LRRC3B: variants seen among roughly 807,000 people sequenced by gnomAD.
The protein encoded by LRRC3B is leucine-rich repeat-containing protein 3B.
In LRRC3B, 2 loss-of-function variants were observed where a neutral mutation model predicts 12.8. That is an observed-to-expected ratio of 0.16 (90% CI 0.06 to 0.49). The LOEUF (loss-of-function observed/expected upper bound fraction) is 0.49, where lower values mean the gene tolerates loss of function less well. LRRC3B is among the 20% of genes least tolerant of loss of function. The pLI, the probability that LRRC3B is intolerant of heterozygous loss-of-function variation, is 0.96. For missense variants in LRRC3B, 189 were observed against 319.4 expected (o/e 0.59, Z 3.11); for synonymous variants, 132 against 122.0 (o/e 1.08, Z -0.54).
chr3:26,663,728 T>C (rs762681758), intron 1 of LRRC3B, among the ~76,000 whole-genome samples: 47 of 152,278 alleles, frequency 3.1e-4, no homozygotes, highest in Middle Eastern at 3.4e-3. Context: ...AAGTTAATTG[T>C]ATCACTCAAG....
chr3:26,701,000 T>G (rs73150442), intron 1 of LRRC3B, among the ~76,000 whole-genome samples: 3,213 of 152,288 alleles, frequency 0.021, 103 homozygotes, highest in African/African-American at 0.073. Context: ...TCTATCCTCT[T>G]GATCATTCTC....
At chr3:26,697,411 C>T (rs1022487433) in intron 1 of LRRC3B, among the ~76,000 whole-genome samples, 1 of 151,992 alleles carries the variant, frequency 6.6e-6, no homozygotes, top group African/African-American at 2.4e-5. Context: ...TTAGATCTCC[C>T]TCTGTATCCT....
intron 1 of LRRC3B, among the ~76,000 whole-genome samples, chr3:26,687,552 C>T (rs1259715623): frequency 6.6e-6 from 1 of 152,128 alleles, no homozygotes; most frequent in East Asian, 1.9e-4. Flanking sequence ...TTAGAGGGAG[C>T]TACCCCCACT....
chr3:26,663,582 C>T (rs1017587375), intron 1 of LRRC3B, among the ~76,000 whole-genome samples: 26 of 152,106 alleles, frequency 1.7e-4, no homozygotes, highest in Non-Finnish European at 8.8e-5. Flanking sequence ...CATTTTTCAG[C>T]ACTGATAAAG....
At chr3:26,636,572 A>G (rs1466757907) in intron 1 of LRRC3B, among the ~76,000 whole-genome samples, 1 of 152,144 alleles carries the variant, frequency 6.6e-6, no homozygotes, top group African/African-American at 2.4e-5. Context: ...AAGAGTATGT[A>G]TTGACAATAT....
At chr3:26,683,140 A>T (rs1428850164) in intron 1 of LRRC3B, among the ~76,000 whole-genome samples, 2 of 152,304 alleles carry the variant, frequency 1.3e-5, no homozygotes, top group East Asian at 3.9e-4. Flanking sequence ...AAGACCAAGG[A>T]AAGAGAAACT....
intron 1 of LRRC3B, among the ~76,000 whole-genome samples, chr3:26,663,989 T>C (rs764243884): frequency 4.7e-4 from 71 of 152,138 alleles, no homozygotes; most frequent in Non-Finnish European, 9.6e-4. Context: ...TGTACTTTCA[T>C]GCTTAAAACC....
At chr3:26,701,702 C>T (rs1700459665) in intron 1 of LRRC3B, among the ~76,000 whole-genome samples, 1 of 152,092 alleles carries the variant, frequency 6.6e-6, no homozygotes. Flanking sequence ...CTTTCCAAGA[C>T]ACTCTGCCTC....
chr3:26,694,706 T>C (rs1700266291), intron 1 of LRRC3B: 1 of 152,246 alleles, frequency 6.6e-6, no homozygotes. Flanking sequence ...CTTCAGGTTC[T>C]GGATGATTTC....
chr3:26,696,986 C>CTGATGTT (rs1252036393), intron 1 of LRRC3B, among the ~76,000 whole-genome samples: 7 of 152,108 alleles, frequency 4.6e-5, no homozygotes, highest in Non-Finnish European at 2.9e-5. Context: ...ATTTTGTAAT[C>CTGATGTT]TGATGTTTTT....
intron 1 of LRRC3B, among the ~76,000 whole-genome samples, chr3:26,682,785 T>G (rs1699997673): frequency 6.6e-6 from 1 of 152,230 alleles, no homozygotes. Flanking sequence ...GCATACTGCA[T>G]GTGGCATTCA....
chr3:26,627,155 A>C (rs1490637766), intron 1 of LRRC3B, among the ~76,000 whole-genome samples: 1 of 152,146 alleles, frequency 6.6e-6, no homozygotes, highest in Non-Finnish European at 1.5e-5. Context: ...TTCTGCAGTC[A>C]CTTGAGGATT....
At chr3:26,681,771 T>G (rs1225063800) in intron 1 of LRRC3B, among the ~76,000 whole-genome samples, 1 of 152,166 alleles carries the variant, frequency 6.6e-6, no homozygotes, top group African/African-American at 2.4e-5. Flanking sequence ...ATAGATCTGG[T>G]AAAAACAAAA....
intron 1 of LRRC3B, among the ~76,000 whole-genome samples, chr3:26,679,085 G>C (rs1170010580): frequency 6.6e-6 from 1 of 152,126 alleles, no homozygotes. Flanking sequence ...TAGACAGCTA[G>C]AACCATTCAT....
chr3:26,691,768 T>C (rs1700199118), intron 1 of LRRC3B, among the ~76,000 whole-genome samples: 1 of 152,178 alleles, frequency 6.6e-6, no homozygotes, highest in African/African-American at 2.4e-5. Flanking sequence ...TGGGCTCCAT[T>C]TGATGGAAGC....
chr3:26,705,589 A>AGTT (rs1700566536), intron 1 of LRRC3B, among the ~76,000 whole-genome samples: 1 of 151,972 alleles, frequency 6.6e-6, no homozygotes, highest in African/African-American at 2.4e-5. Context: ...CTCATTCTGA[A>AGTT]GTTAGTAGGA....
intron 1 of LRRC3B, among the ~76,000 whole-genome samples, chr3:26,663,520 G>A (rs1699537617): frequency 6.6e-6 from 1 of 152,034 alleles, no homozygotes; most frequent in African/African-American, 2.4e-5. Flanking sequence ...ATTGTACCTG[G>A]TGTTTTTGTT....
At chr3:26,650,711 CATTATT>C (rs368052906) in intron 1 of LRRC3B, among the ~76,000 whole-genome samples, 1 of 151,984 alleles carries the variant, frequency 6.6e-6, no homozygotes, top group East Asian at 1.9e-4. Flanking sequence ...CCAAATAGCT[CATTATT>C]ATTATTATTG....
At chr3:26,649,940 T>C (rs1183113107) in intron 1 of LRRC3B, among the ~76,000 whole-genome samples, 2 of 152,296 alleles carry the variant, frequency 1.3e-5, no homozygotes, top group African/African-American at 4.8e-5. Context: ...TCTTTCCCTC[T>C]ACTTATCCAG....
Sources: gnomAD v4.1 joint callset for allele counts (sites outside exome capture counted in the v4.1 genomes callset) on GRCh38, gnomAD v4.1.1 for gene constraint, MANE v1.5 for transcripts, NCBI Gene and HGNC (gene_info 2026-07-23, HGNC 2026-07-21) for gene names.